ADAM2: variants seen among roughly 807,000 people sequenced by gnomAD.
ADAM2 encodes ADAM metallopeptidase domain 2.
In ADAM2, 101 loss-of-function variants were observed where a neutral mutation model predicts 99.3. That is an observed-to-expected ratio of 1.02 (90% CI 0.87 to 1.20). ADAM2 has a LOEUF of 1.20. Ranked by LOEUF, ADAM2 falls within the 50% of genes most tolerant of loss-of-function variation. ADAM2 has a pLI of 0.00. For missense variants in ADAM2, 948 were observed against 878.7 expected, an observed-to-expected ratio of 1.08 and a Z score of -1.00; for synonymous variants, 323 against 287.6, an observed-to-expected ratio of 1.12 and a Z score of -1.25.
chr8:39,744,241 A>G lies in ADAM2; in HGVS notation c.*31-177T>C, dbSNP rs529870914. ...TAAAATTAACTAAAGAAAATAATTA[A>G]AAAATAACACTGTAATAAATTTTTA... On this transcript the variant is annotated intron_variant, in intron 20 of 20. Transcript: ENST00000265708. Among the ~76,000 whole-genome samples the G allele has an allele frequency of 3.3e-5, 5 of 152,298 alleles. No individual in the cohort carries two copies. In the South Asian group the frequency reaches 1.0e-3, roughly 32 times the overall value.
At chr8:39,766,699 C>T (rs1397598032) in intron 14 of ADAM2, 149 bp downstream of exon 14, 28 of 658,346 alleles carry the variant, frequency 4.3e-5, no homozygotes, top group East Asian at 2.3e-4. Context: ...TGAGCCACCG[C>T]GCCTGGCCGT....
rs192480350 is a variant in ADAM2, at chr8:39,789,926, C to A, written c.571-1186G>T. 2.2e-3 allele frequency among the ~76,000 whole-genome samples: 330 copies of A among 151,782 alleles called. 1 individual carries two copies. Among genetic ancestry groups the A allele is most frequent in the Middle Eastern group, 6.8e-3 (2 of 292 alleles). On this transcript the variant is annotated intron_variant, in intron 7 of 20. Coordinates refer to ENST00000265708, the MANE Select transcript of ADAM2 (RefSeq NM_001464.5). The stretch of plus-strand genomic sequence containing the variant: ...ATAAGATATGCAAATAACTAGTACA[C>A]AAATGCAAATATTCTCAACTTCATT...
intron 10 of ADAM2, 100 bp from the exon 11 acceptor site, chr8:39,777,261 C>T: frequency 1.1e-6 from 1 of 877,502 alleles, no homozygotes. Flanking sequence ...GGAATAGGGG[C>T]ATCTGTTATC....
At chr8:39,829,832 A>G (rs1040395709) in intron 3 of ADAM2, among the ~76,000 whole-genome samples, 39 of 152,244 alleles carry the variant, frequency 2.6e-4, no homozygotes, top group African/African-American at 9.4e-4. Flanking sequence ...GACAACATTG[A>G]AAAAACCTCA....
intron 2 of ADAM2, among the ~76,000 whole-genome samples, chr8:39,835,383 T>G (rs182460861): frequency 6.6e-6 from 1 of 151,210 alleles, no homozygotes; most frequent in East Asian, 1.9e-4. Context: ...TCAATTATTT[T>G]TAAAAATCTA....
At chr8:39,804,765 T>C (rs1804369280) in intron 7 of ADAM2, among the ~76,000 whole-genome samples, 1 of 152,184 alleles carries the variant, frequency 6.6e-6, no homozygotes, top group Non-Finnish European at 1.5e-5. Flanking sequence ...TATGGTAAAG[T>C]TTAAAAATAG....
At chr8:39,747,873 A>G (rs1180237740) in intron 18 of ADAM2, among the ~76,000 whole-genome samples, 5 of 152,176 alleles carry the variant, frequency 3.3e-5, no homozygotes, top group Admixed American at 1.3e-4. Context: ...CAACTTCAAC[A>G]TGTACTAAGA....
Position 39,769,270 on chromosome 8 carries a change from C to T in ADAM2, c.1212+122G>A, listed in dbSNP as rs571426767. 3.4e-5 allele frequency: 23 copies of T among 674,950 alleles called. No individual in the cohort carries two copies. In the African/African-American group the frequency reaches 4.1e-4, roughly 12 times the overall value. 41.8% of individuals were successfully genotyped at this position (674,950 alleles called of 1,614,324 possible). A position where few individuals can be genotyped will look rare whatever the true frequency, so the allele number is the denominator to read the frequency against. On this transcript the variant is annotated intron_variant, in intron 12 of 20. Coordinates refer to ENST00000265708, the MANE Select transcript of ADAM2 (RefSeq NM_001464.5). Reference sequence around the variant, plus strand: ...ATTAGTTGTTATAATACCTACATGCCCTCCTGAATCATTTGCAGAAAATTT... The same window carrying T: ...ATTAGTTGTTATAATACCTACATGCTCTCCTGAATCATTTGCAGAAAATTT...
chr8:39,776,090 AG>A (rs1455596389), intron 11 of ADAM2, among the ~76,000 whole-genome samples: 2 of 152,264 alleles, frequency 1.3e-5, no homozygotes, highest in Non-Finnish European at 2.9e-5. Flanking sequence ...CAAGAACCAA[AG>A]ACAAGCCGTC....
intron 6 of ADAM2, among the ~76,000 whole-genome samples, chr8:39,815,024 T>C (rs1804882419): frequency 6.6e-6 from 1 of 152,004 alleles, no homozygotes; most frequent in Non-Finnish European, 1.5e-5. Flanking sequence ...AGGGAATTTT[T>C]ACTTTCACTC....
intron 4 of ADAM2, among the ~76,000 whole-genome samples, chr8:39,822,127 C>G (rs1324257725): frequency 6.6e-6 from 1 of 152,120 alleles, no homozygotes; most frequent in African/African-American, 2.4e-5. Context: ...TTCATGGACT[C>G]AATACACTGT....
At chr8:39,775,537 C>A (rs1357056301) in intron 11 of ADAM2, among the ~76,000 whole-genome samples, 1 of 152,042 alleles carries the variant, frequency 6.6e-6, no homozygotes, top group Non-Finnish European at 1.5e-5. Context: ...GGACATTTAC[C>A]ATCCCCACAG....
chr8:39,807,928 C>T (rs949011216), intron 7 of ADAM2, among the ~76,000 whole-genome samples: 6 of 152,014 alleles, frequency 3.9e-5, no homozygotes, highest in Non-Finnish European at 7.4e-5. Flanking sequence ...ACACCTACTC[C>T]TGATAAAAAC....
chr8:39,786,494 T>C (rs1385293487), intron 10 of ADAM2, among the ~76,000 whole-genome samples: 2 of 152,158 alleles, frequency 1.3e-5, no homozygotes, highest in African/African-American at 4.8e-5. Context: ...CAGTTTTGAA[T>C]ACACTAACAT....
At chr8:39,816,466 C>G (rs1804946211) in intron 6 of ADAM2, among the ~76,000 whole-genome samples, 1 of 152,012 alleles carries the variant, frequency 6.6e-6, no homozygotes, top group South Asian at 2.1e-4. Flanking sequence ...TAGTAATTAC[C>G]TAGAGAAATA....
chr8:39,769,702 C>T, intron 11 of ADAM2, 127 bp from the exon 12 acceptor site: 2 of 612,230 alleles, frequency 3.3e-6, no homozygotes, highest in Non-Finnish European at 2.9e-6. Flanking sequence ...TCAATGCTTT[C>T]AATCTCTGTG....
rs772433354 is a variant in ADAM2 at position 39,821,643 on chromosome 8, C to T, written c.287G>A (p.Gly96Glu). The T allele has an allele frequency of 1.2e-6, 2 of 1,605,874 alleles. No homozygotes were observed. The highest frequency in any genetic ancestry group is 2.2e-5 in the South Asian group (2 of 90,698). Residue 96 changes from glycine to glutamate, a missense_variant, in exon 5 of 21, where the codon GGG becomes GAG. Physicochemically the swap from Gly to Glu is moderately conservative, Grantham distance 98 (BLOSUM62 -2). Transcript: ENST00000265708. ...QDFQNFCHYQ[G>E]YIEGYPKSVV... ...AGATTTTGGATAACCTTCAATATAC[C>T]CTTGGTAGTGGCAGAAATTCTGAAA... is the stretch of plus-strand genomic sequence containing the variant.
intron 7 of ADAM2, among the ~76,000 whole-genome samples, chr8:39,795,664 CCAACCACCATGGG>C (rs1803906920): frequency 6.6e-6 from 1 of 152,024 alleles, no homozygotes; most frequent in Admixed American, 6.6e-5. Context: ...AAGCTGTACC[CCAACCACCATGGG>C]CACAAGTCAT....
rs148757661 is a variant in ADAM2 at position 39,838,097 on chromosome 8, C to G, written c.55+34G>C. The G allele has an allele frequency of 5.9e-5, 95 of 1,611,996 alleles. No individual in the cohort carries two copies. The African/African-American group carries it at 1.2e-3, about 21-fold the overall frequency. On this transcript the variant is annotated intron_variant, in intron 1 of 20. Coordinates refer to ENST00000265708, the MANE Select transcript of ADAM2 (RefSeq NM_001464.5). ...GCAAAGGGAGAGTAGCGCTGAGGGT[C>G]CCAAAAGGCCAGAGGAGGGGTTTTT...
Sources: allele counts gnomAD v4.1 joint callset (sites outside exome capture counted in the v4.1 genomes callset), GRCh38; gene constraint gnomAD v4.1.1; transcripts MANE v1.5; gene names NCBI Gene and HGNC (gene_info 2026-07-23, HGNC 2026-07-21).